The following AKR1B10 variants were observed in gnomAD, a reference collection of about 807,000 sequenced individuals.
The protein encoded by AKR1B10 is aldo-keto reductase family 1 member B10.
AKR1B10 carries 39 observed loss-of-function variants against 38.9 expected under a neutral mutation model. That is an observed-to-expected ratio of 1.00 (90% CI 0.78 to 1.31). AKR1B10 has a LOEUF of 1.31. Among genes scored for constraint, AKR1B10 ranks in the 50% most tolerant of loss-of-function variants. The pLI, the probability that AKR1B10 is intolerant of heterozygous loss-of-function variation, is 0.00. For missense variants in AKR1B10, 361 were observed against 382.6 expected, an observed-to-expected ratio of 0.94 and a Z score of 0.47; for synonymous variants, 148 against 141.2, an observed-to-expected ratio of 1.05 and a Z score of -0.34.
At chr7:134,535,222 C>T (rs1042732574) in intron 4 of AKR1B10, among the ~76,000 whole-genome samples, 6 of 152,136 alleles carry the variant, frequency 3.9e-5, no homozygotes, top group African/African-American at 1.4e-4. Context: ...AAGCAATCCT[C>T]CTGTCTCAGC....
Position 134,541,296 on chromosome 7 carries a change from T to C in AKR1B10, c.*207T>C. ...ATATCACAGAAAAGCATGGCTTGAATAAGGAAATGACAATTTTTTCCACTT... is the reference window on the plus strand; with the variant it reads ...ATATCACAGAAAAGCATGGCTTGAACAAGGAAATGACAATTTTTTCCACTT... On this transcript the variant is annotated 3_prime_UTR_variant, in exon 10 of 10. Coordinates refer to ENST00000359579, the MANE Select transcript of AKR1B10 (RefSeq NM_020299.5). 3.9e-6 allele frequency: 2 copies of C among 507,022 alleles called. No homozygotes were observed. Among genetic ancestry groups the C allele is most frequent in the Non-Finnish European group, 3.5e-6 (1 of 288,820 alleles). The allele number at this position is 507,022 out of a possible 1,614,324, so 31.4% of individuals were successfully genotyped here.
rs374433565 is a variant in AKR1B10, at chr7:134,537,227, T to C, written c.659+70T>C. 9,890 of 1,521,384 alleles carry C rather than the reference T, an allele frequency of 6.5e-3. 153 individuals carry two copies. The highest frequency in any genetic ancestry group is 0.021 in the South Asian group (1,655 of 78,600). 94.2% of individuals were successfully genotyped at this position (1,521,384 alleles called of 1,614,324 possible). Reference sequence around the variant, plus strand: ...ACATTATTTTATAATTGGTAAATGTTGGTATGGGTCCATAAGTTACTGGAA... The same window carrying C: ...ACATTATTTTATAATTGGTAAATGTCGGTATGGGTCCATAAGTTACTGGAA... On this transcript the variant is annotated intron_variant, in intron 6 of 9. Coordinates refer to ENST00000359579, the MANE Select transcript of AKR1B10 (RefSeq NM_020299.5).
intron 7 of AKR1B10, 99 bp downstream of exon 7, chr7:134,537,760 A>AATATAGG: frequency 7.0e-7 from 1 of 1,428,386 alleles, no homozygotes. Flanking sequence ...AAAGGGGAAG[A>AATATAGG]ATATAGGAGC....
chr7:134,536,740 C>A lies in AKR1B10; in HGVS notation c.520C>A (p.Pro174Thr), dbSNP rs1808017869. The change falls in exon 5 of 10, where the codon CCT becomes ACT. Residue 174 changes from proline to threonine, a missense_variant. Transcript: ENST00000359579. ...HFQIEKLLNK[P>T]GLKYKPVTNQ... is the part of the protein sequence containing the mutation. Reference sequence around the variant, plus strand: ...CCAGATCGAGAAGCTCTTGAACAAACCTGGACTGAAATATAAACCAGTGAC... The same window carrying A: ...CCAGATCGAGAAGCTCTTGAACAAAACTGGACTGAAATATAAACCAGTGAC... 1 of 1,613,776 alleles carries A rather than the reference C, an allele frequency of 6.2e-7. No homozygotes were observed. Among genetic ancestry groups the A allele is most frequent in the African/African-American group, 1.3e-5 (1 of 74,912 alleles).
Position 134,530,750 on chromosome 7 carries a change from C to A in AKR1B10, c.174C>A (p.Ala58=), listed in dbSNP as rs780034410. 1.2e-6 allele frequency: 2 copies of A among 1,613,988 alleles called. No homozygotes were observed. Among genetic ancestry groups the A allele is most frequent in the Middle Eastern group, 3.3e-4 (2 of 6,060 alleles). ...AGAATGAACATGAAGTGGGGGAAGC[C>A]ATCCAAGAGAAGATCCAAGAGAAGG... ...VYQNEHEVGE[A]IQEKIQEKAV... Residue 58 remains alanine, a synonymous_variant, in exon 2 of 10, where the codon GCC becomes GCA. Coordinates refer to ENST00000359579, the MANE Select transcript of AKR1B10 (RefSeq NM_020299.5).
chr7:134,540,074 T>C (rs188577143), intron 9 of AKR1B10, among the ~76,000 whole-genome samples: 51 of 152,136 alleles, frequency 3.4e-4, no homozygotes, highest in Admixed American at 3.3e-3. Context: ...AAAAATTAGC[T>C]GGGCGTGGTG....
chr7:134,527,734 T>TAAACA lies in AKR1B10; in HGVS notation c.-177_-176insAACAA. The TAAACA allele has an allele frequency of 1.7e-6, 1 of 586,944 alleles. No homozygotes were observed. Among genetic ancestry groups the TAAACA allele is most frequent in the African/African-American group, 2.3e-5 (1 of 43,710 alleles). 36.4% of individuals were successfully genotyped at this position (586,944 alleles called of 1,614,324 possible). A position where few individuals can be genotyped will look rare whatever the true frequency, so the allele number is the denominator to read the frequency against. On this transcript the variant is annotated 5_prime_UTR_variant, in exon 1 of 10. Coordinates refer to ENST00000359579, the MANE Select transcript of AKR1B10 (RefSeq NM_020299.5). ...CACGGTGGGCGCCTGTAATCCCAGC[T>TAAACA]ACTCGGGAGGCTGAGGCAGGAGAAT... is the stretch of plus-strand genomic sequence containing the variant.
At chr7:134,536,875 A>G in intron 5 of AKR1B10, 103 bp downstream of exon 5, 1 of 1,580,470 alleles carries the variant, frequency 6.3e-7, no homozygotes, top group Non-Finnish European at 8.6e-7. Context: ...CTCAGGGGTC[A>G]GTGATCAGGA....
rs371340786 is a variant in AKR1B10 at position 134,528,020 on chromosome 7, C to T, written c.66+43C>T. ...TGCACACCCTTCTTCTCTGGAGGGGCGTTTGGGTGTTTTCTCTTTCTGCAT... is the reference window on the plus strand; with the variant it reads ...TGCACACCCTTCTTCTCTGGAGGGGTGTTTGGGTGTTTTCTCTTTCTGCAT... On this transcript the variant is annotated intron_variant, in intron 1 of 9. Coordinates refer to ENST00000359579, the MANE Select transcript of AKR1B10 (RefSeq NM_020299.5). 73 of 1,604,256 alleles carry T rather than the reference C, an allele frequency of 4.6e-5. No individual in the cohort carries two copies. In the East Asian group the frequency reaches 8.1e-4, roughly 18 times the overall value.
chr7:134,536,852 C>A, intron 5 of AKR1B10, 80 bp downstream of exon 5: 3 of 1,592,876 alleles, frequency 1.9e-6, no homozygotes, highest in Non-Finnish European at 1.7e-6. Flanking sequence ...CAATGCTATG[C>A]CCTGAGTCTC....
intron 4 of AKR1B10, among the ~76,000 whole-genome samples, chr7:134,533,567 G>A (rs966288631): frequency 1.3e-5 from 2 of 152,200 alleles, no homozygotes; most frequent in Non-Finnish European, 2.9e-5. Context: ...AGGAGACAGG[G>A]TTAACATCCC....
rs1585757555 is a variant in AKR1B10, at chr7:134,538,416, G to T, written c.825+139G>T. 3 of 871,768 alleles carry T rather than the reference G, an allele frequency of 3.4e-6. No homozygotes were observed. In the East Asian group the frequency reaches 7.4e-5, roughly 21 times the overall value. The allele number at this position is 871,768 out of a possible 1,614,324, so 54.0% of individuals were successfully genotyped here. On this transcript the variant is annotated intron_variant, in intron 8 of 9. Coordinates refer to ENST00000359579, the MANE Select transcript of AKR1B10 (RefSeq NM_020299.5). ...ACCACCCTATCATTTTCCAGCCCAG[G>T]GAGCTAGGGTCAGTAGAGCTGAGAT... is the stretch of plus-strand genomic sequence containing the variant.
At chr7:134,532,118 A>G in intron 3 of AKR1B10, 94 bp downstream of exon 3, 1 of 1,458,506 alleles carries the variant, frequency 6.9e-7, no homozygotes, top group Non-Finnish European at 9.6e-7. Context: ...GGACTGGGGC[A>G]GGAGGCCTTG....
Position 134,527,730 on chromosome 7 carries a change from C to CTAAA in AKR1B10, c.-182_-181insTAAA. ...GAGTCACGGTGGGCGCCTGTAATCC[C>CTAAA]AGCTACTCGGGAGGCTGAGGCAGGA... On this transcript the variant is annotated 5_prime_UTR_variant, in exon 1 of 10. Transcript: ENST00000359579. The CTAAA allele has an allele frequency of 2.0e-6, 1 of 512,532 alleles. No individual in the cohort carries two copies. Among genetic ancestry groups the CTAAA allele is most frequent in the Non-Finnish European group, 3.0e-6 (1 of 336,158 alleles). 31.7% of individuals were successfully genotyped at this position (512,532 alleles called of 1,614,324 possible). A position where few individuals can be genotyped will look rare whatever the true frequency, so the allele number is the denominator to read the frequency against.
chr7:134,539,408 C>A (rs971298400), intron 9 of AKR1B10, among the ~76,000 whole-genome samples: 3 of 152,022 alleles, frequency 2.0e-5, no homozygotes, highest in African/African-American at 7.2e-5. Flanking sequence ...GAAGAGACAA[C>A]AGAAATAAAT....
intron 1 of AKR1B10, 30 bp from the exon 2 acceptor site, chr7:134,530,611 CAT>C: frequency 1.2e-6 from 2 of 1,612,232 alleles, no homozygotes; most frequent in East Asian, 2.2e-5. Context: ...AAAAAAAACA[CAT>C]ATGTGATGAG....
intron 4 of AKR1B10, among the ~76,000 whole-genome samples, chr7:134,536,247 TC>T (rs34839845): frequency 1.6e-4 from 24 of 152,264 alleles, no homozygotes; most frequent in Admixed American, 8.5e-4. Context: ...CAACAGCAGC[TC>T]CCTGCTATCA....
At chr7:134,535,585 C>CCTTTTTTTT (rs1554396831) in intron 4 of AKR1B10, 8 of 410,556 alleles carry the variant, frequency 1.9e-5, no homozygotes, top group African/African-American at 3.0e-5. Flanking sequence ...TCTTTTCTGT[C>CCTTTTTTTT]TTTTTTTTTT....
chr7:134,539,027 A>T lies in AKR1B10; in HGVS notation c.908+10A>T. On this transcript the variant is annotated intron_variant, in intron 9 of 9. Coordinates refer to ENST00000359579, the MANE Select transcript of AKR1B10 (RefSeq NM_020299.5). ...CCTGTAACGTGTTGCAGTAAGTGGC[A>T]TGGAGTTAACTAGAAGCATTGCCAG... The T allele has an allele frequency of 6.2e-7, 1 of 1,614,074 alleles. No homozygotes were observed. Among genetic ancestry groups the T allele is most frequent in the Non-Finnish European group, 8.5e-7 (1 of 1,179,958 alleles).
Sources: gnomAD v4.1 joint callset for allele counts (sites outside exome capture counted in the v4.1 genomes callset) on GRCh38, gnomAD v4.1.1 for gene constraint, MANE v1.5 for transcripts, NCBI Gene and HGNC (gene_info 2026-07-23, HGNC 2026-07-21) for gene names.